Variants in LAMA4 observed in about 807,000 individuals in gnomAD.
The protein encoded by LAMA4 is laminin subunit alpha 4.
Under a neutral mutation model 207.1 loss-of-function variants are expected in LAMA4, and 127 were observed. The observed-to-expected ratio is 0.61, with a 90% CI of 0.53 to 0.71. The LOEUF (loss-of-function observed/expected upper bound fraction) is 0.71, where lower values mean the gene tolerates loss of function less well. Ranked by LOEUF, LAMA4 falls within the 30% of genes least tolerant of loss-of-function variation. The pLI is 0.00. For synonymous variants in LAMA4, 761 were observed against 816.0 expected, an observed-to-expected ratio of 0.93 and a Z score of 1.15; for missense variants, 2,093 against 2,246.5, an observed-to-expected ratio of 0.93 and a Z score of 1.38.
At chr6:112,126,063 TTCTG>T (rs556386584) in intron 31 of LAMA4, among the ~76,000 whole-genome samples, 57 of 152,334 alleles carry the variant, frequency 3.7e-4, no homozygotes, top group African/African-American at 1.3e-3. Context: ...AAAGTCAAGT[TTCTG>T]TCTAACACTA....
intron 3 of LAMA4, chr6:112,213,441 C>G (rs1372619761): frequency 6.6e-6 from 1 of 152,140 alleles, no homozygotes; most frequent in Non-Finnish European, 1.5e-5. Flanking sequence ...AGTTGCCTGC[C>G]TTTGGGGCCC....
chr6:112,201,567 C>A, intron 5 of LAMA4, 41 bp downstream of exon 5: 1 of 1,508,360 alleles, frequency 6.6e-7, no homozygotes, highest in Non-Finnish European at 9.2e-7. Context: ...CAGAAAGCTT[C>A]CTTTGACCCA....
rs7754207 is a variant in LAMA4, at chr6:112,232,669, G to A, written c.196-16200C>T. On this transcript the variant is annotated intron_variant, in intron 2 of 38. Coordinates refer to ENST00000230538, the MANE Select transcript of LAMA4 (RefSeq NM_001105206.3). ...CGAGATAGCTATTCTGTTACAGCAC[G>A]TTTCTAAAAGTGAAGGTAAAGAACA... is the stretch of plus-strand genomic sequence containing the variant. 4.8e-3 allele frequency among the ~76,000 whole-genome samples: 735 copies of A among 152,178 alleles called. 6 individuals carry two copies. Among genetic ancestry groups the A allele is most frequent in the African/African-American group, 0.017 (696 of 41,516 alleles).
At chr6:112,173,891 A>C (rs934297772) in intron 11 of LAMA4, among the ~76,000 whole-genome samples, 1 of 152,216 alleles carries the variant, frequency 6.6e-6, no homozygotes, top group East Asian at 1.9e-4. Context: ...CATACAATAA[A>C]ATATATAGAA....
At chr6:112,242,602 C>A (rs147834445) in intron 2 of LAMA4, among the ~76,000 whole-genome samples, 16 of 152,242 alleles carry the variant, frequency 1.1e-4, no homozygotes, top group Middle Eastern at 3.4e-3. Flanking sequence ...AACACATTCC[C>A]AGGTGATGCT....
At chr6:112,190,909 TTCTTTCTTTC>T (rs1265196074) in intron 6 of LAMA4, among the ~76,000 whole-genome samples, 2 of 93,860 alleles carry the variant, frequency 2.1e-5, no homozygotes, top group African/African-American at 8.1e-5. Context: ...CTTTCTTTCT[TTCTTTCTTTC>T]TTTCTTTCTT....
In LAMA4 at chr6:112,115,973, A is replaced by T; in HGVS notation, c.5002T>A (p.Leu1668Met). 6 of 1,613,230 alleles carry T rather than the reference A, an allele frequency of 3.7e-6. No individual in the cohort carries two copies. Among genetic ancestry groups the T allele is most frequent in the Non-Finnish European group, 5.1e-6 (6 of 1,179,416 alleles). The stretch of plus-strand genomic sequence containing the variant: ...ACTTCAAATGCAATTTCAAACTTCA[A>T]TCCAATATTGAAAGATTCATCTGTG... ...VVLDESFNIG[L>M]KFEIAFEVRP... Residue 1668 changes from leucine (L) to methionine (M), a missense_variant, in exon 36 of 39, where the codon TTG becomes ATG. Physicochemically the swap from Leu to Met is conservative, Grantham distance 15. Transcript: ENST00000230538.
intron 5 of LAMA4, among the ~76,000 whole-genome samples, chr6:112,196,830 A>C (rs906806191): frequency 1.3e-5 from 2 of 152,334 alleles, no homozygotes; most frequent in Middle Eastern, 3.4e-3. Flanking sequence ...TATTGAGAAA[A>C]AATATTTTTA....
At position 112,114,070 on chromosome 6, in the gene LAMA4, A is replaced by C. The variant is rs3734289; in HGVS notation, c.5326+6T>G. 0.26 allele frequency: 416,430 copies of C among 1,610,248 alleles called. 55,233 individuals are homozygous for C. The highest frequency in any genetic ancestry group is 0.31 in the East Asian group (13,938 of 44,806). On this transcript the variant is annotated splice_donor_region_variant and intron_variant, in intron 38 of 38. Coordinates refer to ENST00000230538, the MANE Select transcript of LAMA4 (RefSeq NM_001105206.3). ...TGGGAACTTTTCCTTTTTAAACAAC[A>C]CTTACCTGGAACACCTCCAACAAAC...
intron 2 of LAMA4, among the ~76,000 whole-genome samples, chr6:112,239,606 C>T (rs1179865263): frequency 6.6e-6 from 1 of 152,142 alleles, no homozygotes; most frequent in Non-Finnish European, 1.5e-5. Flanking sequence ...TTCAGAAGGC[C>T]GGAAGACTAC....
intron 17 of LAMA4, among the ~76,000 whole-genome samples, chr6:112,149,907 G>A (rs188652972): frequency 2.0e-4 from 30 of 152,212 alleles, no homozygotes; most frequent in Non-Finnish European, 3.7e-4. Flanking sequence ...CTTTCACTGC[G>A]CGAAGGAAGG....
chr6:112,172,970 A>G (rs1437150544), intron 11 of LAMA4, among the ~76,000 whole-genome samples, 166 bp from the exon 12 acceptor site: 2 of 152,210 alleles, frequency 1.3e-5, no homozygotes, highest in Non-Finnish European at 2.9e-5. Flanking sequence ...TTGAAGTAAA[A>G]AATGCTACTT....
chr6:112,250,430 GT>G (rs1210279858), intron 2 of LAMA4, among the ~76,000 whole-genome samples: 1 of 152,176 alleles, frequency 6.6e-6, no homozygotes, highest in Admixed American at 6.5e-5. Context: ...TAGCAAGTCA[GT>G]TTTTCCAGTG....
At chr6:112,245,912 T>C (rs1479546212) in intron 2 of LAMA4, among the ~76,000 whole-genome samples, 1 of 152,236 alleles carries the variant, frequency 6.6e-6, no homozygotes, top group Non-Finnish European at 1.5e-5. Context: ...ATGTATTTTT[T>C]TCTTTATGGA....
chr6:112,174,707 G>T (rs1367007926), intron 11 of LAMA4, among the ~76,000 whole-genome samples: 4 of 152,188 alleles, frequency 2.6e-5, no homozygotes, highest in Non-Finnish European at 5.9e-5. Flanking sequence ...TGGCCAGGCT[G>T]GTCTCGAACT....
At chr6:112,218,867 G>T (rs782477240) in intron 2 of LAMA4, 1 of 152,274 alleles carries the variant, frequency 6.6e-6, no homozygotes, top group African/African-American at 2.4e-5. Context: ...GGCACACTAC[G>T]TTCCTGCTGG....
At chr6:112,194,302 TA>T (rs547953194) in intron 5 of LAMA4, among the ~76,000 whole-genome samples, 203 of 152,364 alleles carry the variant, frequency 1.3e-3, no homozygotes, top group African/African-American at 4.8e-3. Flanking sequence ...CCCAAGCTCA[TA>T]GAGGTCAGAT....
At chr6:112,220,536 C>A (rs782167112) in intron 2 of LAMA4, among the ~76,000 whole-genome samples, 69 of 152,086 alleles carry the variant, frequency 4.5e-4, no homozygotes, top group Non-Finnish European at 2.9e-5. Flanking sequence ...GTTGTTATCA[C>A]TGCAGAAGGA....
intron 2 of LAMA4, chr6:112,216,854 G>A (rs1784655898): frequency 3.5e-6 from 1 of 284,296 alleles, no homozygotes. Context: ...GTCAGGGTGA[G>A]GTCATGCTCC....
Sources: gnomAD v4.1 joint callset for allele counts (sites outside exome capture counted in the v4.1 genomes callset) on GRCh38, gnomAD v4.1.1 for gene constraint, MANE v1.5 for transcripts, NCBI Gene and HGNC (gene_info 2026-07-23, HGNC 2026-07-21) for gene names.